The following ZNF141 variants were observed in gnomAD, a reference collection of about 807,000 sequenced individuals.
ZNF141 encodes zinc finger protein 141 (clone pHZ-44).
In ZNF141, 7 loss-of-function variants were observed where a neutral mutation model predicts 11.3. The ratio of observed to expected loss-of-function variants is 0.62; its 90% CI spans 0.35 to 1.16. The LOEUF (loss-of-function observed/expected upper bound fraction) is 1.16, where lower values mean the gene tolerates loss of function less well. Among genes scored for constraint, ZNF141 ranks in the 50% most tolerant of loss-of-function variants. The probability of loss-of-function intolerance (pLI) is 0.02; values close to 1 mark genes in which losing one functional copy is unlikely to be tolerated. For synonymous variants in ZNF141, 183 were observed against 190.7 expected (o/e 0.96, Z 0.33); for missense variants, 535 against 554.0 (o/e 0.97, Z 0.34).
chr4:363,063 G>A (rs1553852427), intron 3 of ZNF141, among the ~76,000 whole-genome samples: 1 of 152,152 alleles, frequency 6.6e-6, no homozygotes, highest in African/African-American at 2.4e-5. Context: ...TTGAGCAGTG[G>A]TTTGTAGTTC....
intron 1 of ZNF141, among the ~76,000 whole-genome samples, chr4:340,856 C>A (rs1461120816): frequency 6.6e-6 from 1 of 152,178 alleles, no homozygotes; most frequent in Non-Finnish European, 1.5e-5. Flanking sequence ...AATGTTACTT[C>A]TATAAACCAA....
At chr4:370,537 A>G (rs1265239532) in intron 3 of ZNF141, among the ~76,000 whole-genome samples, 2 of 152,168 alleles carry the variant, frequency 1.3e-5, no homozygotes, top group African/African-American at 4.8e-5. Flanking sequence ...CACGTTAACT[A>G]TATCGCAACT....
At chr4:370,203 G>T (rs756209762) in intron 3 of ZNF141, among the ~76,000 whole-genome samples, 2 of 151,982 alleles carry the variant, frequency 1.3e-5, no homozygotes, top group Non-Finnish European at 1.5e-5. Flanking sequence ...AGATTATGAT[G>T]AATAGTTTAT....
chr4:348,996 T>G (rs781949480), intron 3 of ZNF141, among the ~76,000 whole-genome samples: 1 of 152,248 alleles, frequency 6.6e-6, no homozygotes, highest in Non-Finnish European at 1.5e-5. Context: ...GATATCTTAT[T>G]GTATTTAGTG....
chr4:347,732 C>A (rs1481283095), intron 3 of ZNF141, among the ~76,000 whole-genome samples: 9 of 122,284 alleles, frequency 7.4e-5, no homozygotes, highest in African/African-American at 2.5e-4. Context: ...GTATGTATTT[C>A]TTCTTTGGGA....
chr4:356,826 T>C (rs1721862619), intron 3 of ZNF141, among the ~76,000 whole-genome samples: 1 of 152,224 alleles, frequency 6.6e-6, no homozygotes, highest in African/African-American at 2.4e-5. Context: ...CTGTCATCTT[T>C]TGTGTTTTCT....
At chr4:369,764 A>ATATTTTTTTTTTTTTTTTTTT in intron 3 of ZNF141, among the ~76,000 whole-genome samples, 7 of 48,724 alleles carry the variant, frequency 1.4e-4, no homozygotes, top group African/African-American at 1.7e-4. Context: ...ATATATATAT[A>ATATTTTTTTTTTTTTTTTTTT]TTTTTTTTTT....
chr4:345,729 CAAAAA>C (rs1321182710), intron 3 of ZNF141, among the ~76,000 whole-genome samples: 2 of 64,612 alleles, frequency 3.1e-5, no homozygotes, highest in South Asian at 5.7e-4. Context: ...ACTCTGTCTC[CAAAAA>C]AAAAAAAAAA....
chr4:363,357 C>T (rs1162071235), intron 3 of ZNF141, among the ~76,000 whole-genome samples: 1 of 152,120 alleles, frequency 6.6e-6, no homozygotes, highest in East Asian at 1.9e-4. Flanking sequence ...AATTGAATAC[C>T]CTTTATTTCT....
At position 379,704 on chromosome 4, in the gene ZNF141, A is replaced by G. The variant is rs1553855182; in HGVS notation, c.*5842A>G. The stretch of plus-strand genomic sequence containing the variant: ...GTTATTATATTACAAAAACAGCACA[A>G]AAACTATATATTTTTTATAATACTC... On this transcript the variant is annotated 3_prime_UTR_variant, in exon 4 of 4. Transcript: ENST00000240499. 6.6e-6 allele frequency among the ~76,000 whole-genome samples: 1 copy of G among 152,222 alleles called. No homozygotes were observed. The highest frequency in any genetic ancestry group is 1.5e-5 in the Non-Finnish European group (1 of 68,046).
In ZNF141 at chr4:378,796, A is replaced by G. The variant is rs569495381; in HGVS notation, c.*4934A>G. Among the ~76,000 whole-genome samples, 23 of 148,368 alleles carry G rather than the reference A, an allele frequency of 1.6e-4. No individual in the cohort carries two copies. The highest frequency in any genetic ancestry group is 4.3e-4 in the South Asian group (2 of 4,668). Reference sequence around the variant, plus strand: ...TCACCTTCTCTGGAAAAAAATTTGAAGATTATGGCAGCTGTTGAATCCAAA... The same window carrying G: ...TCACCTTCTCTGGAAAAAAATTTGAGGATTATGGCAGCTGTTGAATCCAAA... On this transcript the variant is annotated 3_prime_UTR_variant, in exon 4 of 4. Coordinates refer to ENST00000240499, the MANE Select transcript of ZNF141 (RefSeq NM_003441.4).
intron 3 of ZNF141, among the ~76,000 whole-genome samples, chr4:369,764 A>ATTTATATATTTTTTTTTTTTTTTTT (rs1711960320): frequency 2.1e-5 from 1 of 48,742 alleles, no homozygotes; most frequent in Admixed American, 2.9e-4. Flanking sequence ...ATATATATAT[A>ATTTATATATTTTTTTTTTTTTTTTT]TTTTTTTTTT....
chr4:339,112 C>G (rs910114481), intron 1 of ZNF141, among the ~76,000 whole-genome samples: 2 of 152,254 alleles, frequency 1.3e-5, no homozygotes, highest in Non-Finnish European at 2.9e-5. Flanking sequence ...CACGGCCACA[C>G]TTGTCCCAGG....
In ZNF141 at chr4:379,087, C is replaced by T. The variant is rs142092245; in HGVS notation, c.*5225C>T. ...CTCGAGCTCCTGTCCTCGTGATCCA[C>T]GCACGTCAGCCTCCCAAAGTGCTGG... is the stretch of plus-strand genomic sequence containing the variant. On this transcript the variant is annotated 3_prime_UTR_variant, in exon 4 of 4. Coordinates refer to ENST00000240499, the MANE Select transcript of ZNF141 (RefSeq NM_003441.4). Among the ~76,000 whole-genome samples the T allele has an allele frequency of 6.7e-4, 102 of 152,020 alleles. No homozygotes were observed. Among genetic ancestry groups the T allele is most frequent in the African/African-American group, 1.5e-3 (62 of 41,488 alleles).
intron 3 of ZNF141, among the ~76,000 whole-genome samples, chr4:353,255 T>A (rs1165398170): frequency 9.9e-5 from 15 of 151,760 alleles, no homozygotes; most frequent in Middle Eastern, 6.8e-3. Context: ...GAACTTGTAT[T>A]CCCAGCTACT....
Position 382,394 on chromosome 4 carries a change from CTA to C in ZNF141, c.*8534_*8535del, listed in dbSNP as rs1553855829. Among the ~76,000 whole-genome samples the C allele has an allele frequency of 6.6e-6, 1 of 152,132 alleles. No homozygotes were observed. Among genetic ancestry groups the C allele is most frequent in the Non-Finnish European group, 1.5e-5 (1 of 68,032 alleles). On this transcript the variant is annotated 3_prime_UTR_variant, in exon 4 of 4. Coordinates refer to ENST00000240499, the MANE Select transcript of ZNF141 (RefSeq NM_003441.4). ...GGAAAAAATAGCAGCAGCCCTATTGCTATGTCACTTGCCTGCAGAGCAAAAGT... is the reference window on the plus strand; with the variant it reads ...GGAAAAAATAGCAGCAGCCCTATTGCTGTCACTTGCCTGCAGAGCAAAAGT...
intron 3 of ZNF141, among the ~76,000 whole-genome samples, chr4:366,453 C>T (rs1370886613): frequency 4.0e-5 from 6 of 151,520 alleles, no homozygotes; most frequent in East Asian, 2.0e-4. Context: ...GGATGACAGG[C>T]GTGTGCCGCC....
chr4:353,530 G>A (rs1217648085), intron 3 of ZNF141, among the ~76,000 whole-genome samples: 2 of 149,370 alleles, frequency 1.3e-5, no homozygotes, highest in African/African-American at 4.9e-5. Flanking sequence ...GCGAGATCTC[G>A]GCTCACTGCA....
chr4:378,835 A>ATTTTTTTTTTTTTT lies in ZNF141; in HGVS notation c.*4987_*5000dup. On this transcript the variant is annotated 3_prime_UTR_variant, in exon 4 of 4. Transcript: ENST00000240499. ...GTTGAATCCAAACAGTTTCTCAGTG[A>ATTTTTTTTTTTTTT]TTTTTTTTTTTTTTTTTTTTTTTTT... 1.3e-5 allele frequency among the ~76,000 whole-genome samples: 1 copy of ATTTTTTTTTTTTTT among 78,626 alleles called. No individual in the cohort carries two copies. Among genetic ancestry groups the ATTTTTTTTTTTTTT allele is most frequent in the Non-Finnish European group, 2.2e-5 (1 of 44,670 alleles). 51.6% of individuals were successfully genotyped at this position (78,626 alleles called of 152,430 possible). A position where few individuals can be genotyped will look rare whatever the true frequency, so the allele number is the denominator to read the frequency against.
Sources: gnomAD v4.1 joint callset for allele counts (sites outside exome capture counted in the v4.1 genomes callset) on GRCh38, gnomAD v4.1.1 for gene constraint, MANE v1.5 for transcripts, NCBI Gene and HGNC (gene_info 2026-07-23, HGNC 2026-07-21) for gene names.